The following SP1 variants were observed in gnomAD, a reference collection of about 807,000 sequenced individuals.
SP1 encodes Sp1 transcription factor.
Under a neutral mutation model 66.3 loss-of-function variants are expected in SP1, and 6 were observed. The ratio of observed to expected loss-of-function variants is 0.09; its 90% confidence interval spans 0.05 to 0.18. SP1 has a LOEUF of 0.18. Among genes scored for constraint, SP1 ranks in the 10% least tolerant of loss-of-function variants. The probability of loss-of-function intolerance (pLI) is 1.00; values close to 1 mark genes in which losing one functional copy is unlikely to be tolerated. For synonymous variants in SP1, 417 were observed against 360.8 expected, an observed-to-expected ratio of 1.16 and a Z score of -1.77; for missense variants, 848 against 964.5, an observed-to-expected ratio of 0.88 and a Z score of 1.60.
chr12:53,398,305 CAG>C (rs1271593802), intron 3 of SP1, among the ~76,000 whole-genome samples: 5 of 152,084 alleles, frequency 3.3e-5, no homozygotes, highest in African/African-American at 7.2e-5. Flanking sequence ...TGTTTTGAGA[CAG>C]AGTCTCGCTC....
Position 53,380,275 on chromosome 12 carries a change from G to A in SP1, c.-17G>A. ...CCCCGGACAGGACCCCCTTGAGCTT[G>A]TCCCTCAGCTGCCACCATGAGCGGT... On this transcript the variant is annotated 5_prime_UTR_variant, in exon 1 of 6. Transcript: ENST00000327443. 2.1e-6 allele frequency: 3 copies of A among 1,405,994 alleles called. No individual in the cohort carries two copies. Among genetic ancestry groups the A allele is most frequent in the East Asian group, 4.9e-5 (2 of 40,744 alleles). 87.1% of individuals were successfully genotyped at this position (1,405,994 alleles called of 1,614,324 possible).
intron 1 of SP1, chr12:53,380,604 C>T: frequency 2.0e-6 from 2 of 1,016,180 alleles, no homozygotes; most frequent in Non-Finnish European, 2.4e-6. Context: ...GAGGCTCCTC[C>T]CGCCGGGGGC....
intron 3 of SP1, among the ~76,000 whole-genome samples, chr12:53,400,152 C>G (rs923228426): frequency 6.6e-6 from 1 of 152,194 alleles, no homozygotes; most frequent in Non-Finnish European, 1.5e-5. Flanking sequence ...ACCTCTTGCC[C>G]ATTGGCAGCC....
Position 53,414,290 on chromosome 12 carries a change from A to C in SP1, c.*3050A>C, listed in dbSNP as rs982164161. ...AAAACACTTATTCCCTCATCCTTTC[A>C]GGTTTTCAGGTTGCCCATTTATATT... On this transcript the variant is annotated 3_prime_UTR_variant, in exon 6 of 6. Coordinates refer to ENST00000327443, the MANE Select transcript of SP1 (RefSeq NM_138473.3). The C allele has an allele frequency of 6.6e-6, 1 of 152,560 alleles. No individual in the cohort carries two copies. Among genetic ancestry groups the C allele is most frequent in the South Asian group, 2.1e-4 (1 of 4,832 alleles). The allele number at this position is 152,560 out of a possible 1,614,324, so 9.5% of individuals were successfully genotyped here. A position where few individuals can be genotyped will look rare whatever the true frequency, so the allele number is the denominator to read the frequency against.
At chr12:53,400,350 T>G (rs920654806) in intron 3 of SP1, among the ~76,000 whole-genome samples, 1 of 152,194 alleles carries the variant, frequency 6.6e-6, no homozygotes, top group Admixed American at 6.5e-5. Flanking sequence ...TAGTACTCTT[T>G]TTTTTATTGC....
intron 1 of SP1, 153 bp from the exon 2 acceptor site, chr12:53,381,506 A>T: frequency 1.6e-6 from 1 of 609,584 alleles, no homozygotes; most frequent in Non-Finnish European, 2.8e-6. Flanking sequence ...CATGCCCTGC[A>T]GCTCCCCTCT....
At position 53,396,069 on chromosome 12, in the gene SP1, G is replaced by A. The variant is rs570015494; in HGVS notation, c.1676-10516G>A. 2.4e-3 allele frequency among the ~76,000 whole-genome samples: 362 copies of A among 152,058 alleles called. 1 individual carries two copies. The highest frequency in any genetic ancestry group is 8.2e-3 in the African/African-American group (342 of 41,492). On this transcript the variant is annotated intron_variant, in intron 3 of 5. Coordinates refer to ENST00000327443, the MANE Select transcript of SP1 (RefSeq NM_138473.3). ...TGGAAAGTGGAGGTTGCAGTGAGCC[G>A]AGATCACGCCATTGCACTCCAGCCT... is the stretch of plus-strand genomic sequence containing the variant.
At chr12:53,410,651 G>A (rs1326861788) in intron 5 of SP1, among the ~76,000 whole-genome samples, 9 of 151,802 alleles carry the variant, frequency 5.9e-5, no homozygotes, top group African/African-American at 1.9e-4. Flanking sequence ...GACTACAGGC[G>A]CCCGCCACCA....
At chr12:53,380,621 C>T (rs1365299917) in intron 1 of SP1, 3 of 1,006,614 alleles carry the variant, frequency 3.0e-6, no homozygotes, top group African/African-American at 1.7e-5. Flanking sequence ...GGGCTGGAGC[C>T]GCGGGGGCGG....
intron 3 of SP1, among the ~76,000 whole-genome samples, chr12:53,392,206 G>A (rs1342175244): frequency 6.6e-6 from 1 of 152,102 alleles, no homozygotes; most frequent in Non-Finnish European, 1.5e-5. Context: ...TTGAGACGGA[G>A]TCACGCTCTT....
At chr12:53,405,714 G>GGAAGGAGA (rs1938718571) in intron 3 of SP1, among the ~76,000 whole-genome samples, 1 of 151,458 alleles carries the variant, frequency 6.6e-6, no homozygotes, top group African/African-American at 2.4e-5. Context: ...AGGGAAGGAG[G>GGAAGGAGA]GAGGGAGGGA....
intron 3 of SP1, among the ~76,000 whole-genome samples, chr12:53,388,151 T>TA (rs1228160093): frequency 6.6e-6 from 1 of 152,168 alleles, no homozygotes; most frequent in African/African-American, 2.4e-5. Flanking sequence ...CGTAGAAAAT[T>TA]AGACACTTCT....
At chr12:53,390,786 C>T (rs945737761) in intron 3 of SP1, among the ~76,000 whole-genome samples, 52 of 152,246 alleles carry the variant, frequency 3.4e-4, no homozygotes, top group African/African-American at 9.4e-4. Context: ...CAGTGGCTTT[C>T]TCTTTATAAA....
chr12:53,383,194 A>G lies in SP1; in HGVS notation c.1247A>G (p.Gln416Arg), dbSNP rs1938149002. 1 of 1,614,096 alleles carries G rather than the reference A, an allele frequency of 6.2e-7. No homozygotes were observed. The change falls in exon 3 of 6, where the codon CAA (glutamine) becomes CGA (arginine). Residue 416 changes from glutamine (Q) to arginine (R), a missense_variant. Gln to Arg is a conservative substitution (Grantham distance 43, BLOSUM62 1). Coordinates refer to ENST00000327443, the MANE Select transcript of SP1 (RefSeq NM_138473.3). ...GGGGGACAGGCCCTCCAGGCCCTCC[A>G]AGCAGCACCATTGTCAGGGCAGACC... is the stretch of plus-strand genomic sequence containing the variant. ...VQGGQALQALQAAPLSGQTFT... is the reference protein window; with the variant it reads ...VQGGQALQALRAAPLSGQTFT...
intron 4 of SP1, among the ~76,000 whole-genome samples, chr12:53,408,748 T>TA: frequency 6.6e-6 from 1 of 151,098 alleles, no homozygotes; most frequent in Admixed American, 6.6e-5. Context: ...CTACTAAAAA[T>TA]ACAAAAAATT....
In SP1 at chr12:53,411,095, C is replaced by T. The variant is rs1373304438; in HGVS notation, c.2213C>T (p.Ala738Val). 6.2e-7 allele frequency: 1 copy of T among 1,614,194 alleles called. No homozygotes were observed. The highest frequency in any genetic ancestry group is 2.2e-5 in the East Asian group (1 of 44,884). The part of the protein sequence containing the change: ...SGAGSEGSGT[A>V]TPSALITTNM... ...GCAGGTTCAGAAGGCAGTGGCACTG[C>T]CACTCCTTCAGCCCTTATTACCACC... Residue 738 changes from alanine to valine, a missense_variant, in exon 6 of 6, where the codon GCC becomes GTC. Physicochemically the swap from Ala to Val is moderately conservative, Grantham distance 64 (BLOSUM62 0). Around this residue, in one of 7 missense-constraint regions of SP1, gnomAD observed 73 missense variants for 91.9 expected, o/e 0.79. Coordinates refer to ENST00000327443, the MANE Select transcript of SP1 (RefSeq NM_138473.3).
At chr12:53,403,136 A>G (rs1297224290) in intron 3 of SP1, among the ~76,000 whole-genome samples, 1 of 152,028 alleles carries the variant, frequency 6.6e-6, no homozygotes, top group Admixed American at 6.6e-5. Flanking sequence ...AAGAAAGAAA[A>G]AAAAAGAATT....
intron 3 of SP1, among the ~76,000 whole-genome samples, chr12:53,384,642 C>T (rs1938185394): frequency 6.6e-6 from 1 of 152,138 alleles, no homozygotes; most frequent in African/African-American, 2.4e-5. Flanking sequence ...TAAAACCATT[C>T]TTAGCTCTAA....
At chr12:53,394,790 AT>A (rs1938444700) in intron 3 of SP1, among the ~76,000 whole-genome samples, 1 of 150,200 alleles carries the variant, frequency 6.7e-6, no homozygotes, top group South Asian at 2.1e-4. Flanking sequence ...AATTTTTTGT[AT>A]TTTTAGTGGA....
Sources: gnomAD v4.1 joint callset for allele counts (sites outside exome capture counted in the v4.1 genomes callset) on GRCh38, gnomAD v4.1.1 for gene constraint, gnomAD v4.1.1 regional missense constraint, MANE v1.5 for transcripts, NCBI Gene and HGNC (gene_info 2026-07-23, HGNC 2026-07-21) for gene names.